TAS2R1: variants seen among roughly 807,000 people sequenced by gnomAD.
TAS2R1 encodes taste 2 receptor member 1.
For missense variants in TAS2R1, 370 were observed against 353.4 expected (o/e 1.05, Z -0.38); for synonymous variants, 141 against 134.2 (o/e 1.05, Z -0.35).
chr5:9,788,364 CTGGGGCTG>C, the TAS2R1 span, among the ~76,000 whole-genome samples: 1 of 152,178 alleles, frequency 6.6e-6, no homozygotes, highest in African/African-American at 2.4e-5. Context: ...CCAAGTCAAG[CTGGGGCTG>C]CACGGATGGT....
At chr5:9,636,019 A>G (rs767555174) in intron 2 of TAS2R1, among the ~76,000 whole-genome samples, 53 of 151,650 alleles carry the variant, frequency 3.5e-4, no homozygotes, top group Non-Finnish European at 6.3e-4. Flanking sequence ...TCCTTGAGGT[A>G]TGACCTTAGA....
chr5:9,656,683 C>CA (rs1248203811), intron 2 of TAS2R1, among the ~76,000 whole-genome samples: 1 of 152,196 alleles, frequency 6.6e-6, no homozygotes, highest in Admixed American at 6.5e-5. Context: ...ACAGACACAT[C>CA]CAGAAATAAT....
the TAS2R1 span, among the ~76,000 whole-genome samples, chr5:9,719,939 CA>C: frequency 2.2e-5 from 2 of 91,068 alleles, no homozygotes; most frequent in East Asian, 3.4e-4. Flanking sequence ...AAAAAAAAAA[CA>C]AAAACAAAAA....
intron 2 of TAS2R1, among the ~76,000 whole-genome samples, chr5:9,649,903 T>C (rs181121814): frequency 6.6e-6 from 1 of 152,302 alleles, no homozygotes; most frequent in African/African-American, 2.4e-5. Flanking sequence ...TTTCCAAAAC[T>C]GAGAATACTT....
the TAS2R1 span, among the ~76,000 whole-genome samples, chr5:9,762,420 G>C: frequency 1.3e-5 from 2 of 152,122 alleles, no homozygotes; most frequent in African/African-American, 4.8e-5. Flanking sequence ...AAGTTCAAAG[G>C]GGGTAAAAAG....
chr5:9,898,508 G>C, the TAS2R1 span, among the ~76,000 whole-genome samples: 15 of 152,264 alleles, frequency 9.9e-5, no homozygotes, highest in East Asian at 2.5e-3. Flanking sequence ...CTCGCACATG[G>C]CTTTGCCACC....
chr5:9,727,953 G>A, the TAS2R1 span, among the ~76,000 whole-genome samples: 4 of 152,158 alleles, frequency 2.6e-5, no homozygotes, highest in Admixed American at 1.3e-4. Flanking sequence ...CAGGGCAGTC[G>A]CCAGATCTAC....
the TAS2R1 span, among the ~76,000 whole-genome samples, chr5:9,750,311 C>T: frequency 2.6e-5 from 4 of 152,304 alleles, no homozygotes; most frequent in Admixed American, 1.3e-4. Flanking sequence ...CCCCAGAGTA[C>T]ACCACCATCC....
chr5:9,714,649 AC>A (rs1187144676), upstream of TAS2R1, among the ~76,000 whole-genome samples: 1 of 152,264 alleles, frequency 6.6e-6, no homozygotes, highest in African/African-American at 2.4e-5. Context: ...ATGACAAAAA[AC>A]AAAAGAAAGT....
chr5:9,652,696 C>T (rs1350222065), intron 2 of TAS2R1, among the ~76,000 whole-genome samples: 1 of 152,074 alleles, frequency 6.6e-6, no homozygotes, highest in African/African-American at 2.4e-5. Flanking sequence ...ATAAAATGAA[C>T]TTTAATGGTT....
chr5:9,726,311 T>C, the TAS2R1 span, among the ~76,000 whole-genome samples: 4 of 152,194 alleles, frequency 2.6e-5, no homozygotes, highest in African/African-American at 9.6e-5. Flanking sequence ...AGAACCTTTG[T>C]GTCTAGCTCA....
chr5:9,711,816 C>CCACA (rs750290923), intron 1 of TAS2R1, among the ~76,000 whole-genome samples: 12 of 138,264 alleles, frequency 8.7e-5, no homozygotes, highest in Non-Finnish European at 1.6e-4. Flanking sequence ...GCACCTGCTA[C>CCACA]CACACCTGGC....
the TAS2R1 span, among the ~76,000 whole-genome samples, chr5:9,797,261 C>T: frequency 3.3e-4 from 50 of 152,210 alleles, no homozygotes; most frequent in Middle Eastern, 3.4e-3. Context: ...GCATGTAGTG[C>T]GTAGAGGCCA....
In TAS2R1 at chr5:9,705,894, A is replaced by G. The variant is rs116203335; in HGVS notation, c.-242+6278T>C. Among the ~76,000 whole-genome samples the G allele has an allele frequency of 7.9e-3, 1,200 of 152,208 alleles. 22 individuals carry two copies. The highest frequency in any genetic ancestry group is 0.028 in the African/African-American group (1,154 of 41,536). On this transcript the variant is annotated intron_variant, in intron 1 of 2. Transcript: ENST00000506620. ...AAAAAAGACTTTTAGTGCTAAAACT[A>G]AAGCAGTTCAGAGACCAGCAGGTCA... is the stretch of plus-strand genomic sequence containing the variant.
At chr5:9,752,862 T>C in the TAS2R1 span, among the ~76,000 whole-genome samples, 2 of 152,212 alleles carry the variant, frequency 1.3e-5, no homozygotes, top group Non-Finnish European at 2.9e-5. Context: ...TCCATGTCCC[T>C]ACAAAGGACA....
the TAS2R1 span, among the ~76,000 whole-genome samples, chr5:9,783,542 A>G: frequency 6.6e-6 from 1 of 152,210 alleles, no homozygotes; most frequent in African/African-American, 2.4e-5. Flanking sequence ...GTGTAAGCCC[A>G]GTTTCTCAAG....
chr5:9,678,668 A>G (rs1230653748), intron 1 of TAS2R1, among the ~76,000 whole-genome samples: 3 of 152,214 alleles, frequency 2.0e-5, no homozygotes, highest in Admixed American at 2.0e-4. Flanking sequence ...ATCCTCAGCA[A>G]ACTAACACAG....
chr5:9,764,559 T>A, the TAS2R1 span, among the ~76,000 whole-genome samples: 1 of 152,126 alleles, frequency 6.6e-6, no homozygotes, highest in Admixed American at 6.5e-5. Context: ...TACCAGAAAA[T>A]GACAAATCTG....
intron 1 of TAS2R1, among the ~76,000 whole-genome samples, chr5:9,680,854 A>T (rs1740980116): frequency 6.6e-6 from 1 of 152,070 alleles, no homozygotes; most frequent in African/African-American, 2.4e-5. Context: ...GAAGTTCAAA[A>T]CCATCCTGGC....
Sources: gnomAD v4.1 joint callset for allele counts (sites outside exome capture counted in the v4.1 genomes callset) on GRCh38, gnomAD v4.1.1 for gene constraint, MANE v1.5 for transcripts, NCBI Gene and HGNC (gene_info 2026-07-23, HGNC 2026-07-21) for gene names.